Variants in RARB observed in about 807,000 individuals in gnomAD.
RARB encodes retinoic acid receptor beta.
In RARB, 17 loss-of-function variants were observed where a neutral mutation model predicts 51.9. That is an observed-to-expected ratio of 0.33 (90% CI 0.22 to 0.49). RARB has a LOEUF of 0.49. Ranked by LOEUF, RARB falls within the 20% of genes least tolerant of loss-of-function variation. The probability of loss-of-function intolerance (pLI) is 0.99; values close to 1 mark genes in which losing one functional copy is unlikely to be tolerated. For missense variants in RARB, 369 were observed against 550.8 expected (o/e 0.67, Z 3.30); for synonymous variants, 215 against 195.4 (o/e 1.10, Z -0.84).
At chr3:25,412,951 G>A (rs1041791460) in intron 5 of RARB, among the ~76,000 whole-genome samples, 10 of 151,928 alleles carry the variant, frequency 6.6e-5, no homozygotes, top group African/African-American at 2.2e-4. Context: ...CCCGGGAGGC[G>A]GAGGTTGTGG....
intron 1 of RARB, among the ~76,000 whole-genome samples, chr3:24,831,427 A>G (rs1252989919): frequency 6.6e-6 from 1 of 152,226 alleles, no homozygotes; most frequent in East Asian, 1.9e-4. Flanking sequence ...CTGAGACGCC[A>G]TCAGGGAGTA....
intron 5 of RARB, among the ~76,000 whole-genome samples, chr3:25,369,636 T>G (rs1328248313): frequency 6.6e-6 from 1 of 152,186 alleles, no homozygotes; most frequent in Non-Finnish European, 1.5e-5. Context: ...GATGTTCACT[T>G]TCATGGCCAG....
intron 4 of RARB, among the ~76,000 whole-genome samples, chr3:25,172,038 T>C (rs1051185755): frequency 6.6e-6 from 1 of 152,170 alleles, no homozygotes. Flanking sequence ...GGGTGGGATT[T>C]TTAGAATTAG....
At chr3:24,882,030 A>G (rs1703177102) in intron 2 of RARB, among the ~76,000 whole-genome samples, 1 of 152,214 alleles carries the variant, frequency 6.6e-6, no homozygotes, top group Non-Finnish European at 1.5e-5. Context: ...TAACAATGAA[A>G]AATTGAATAT....
intron 1 of RARB, among the ~76,000 whole-genome samples, chr3:25,446,664 G>A (rs568882880): frequency 4.6e-5 from 7 of 151,854 alleles, no homozygotes; most frequent in South Asian, 2.1e-4. Context: ...TTAGCCGGGC[G>A]TGGTGGCAGG....
chr3:24,934,454 A>G (rs906122554), intron 2 of RARB, among the ~76,000 whole-genome samples: 2 of 152,110 alleles, frequency 1.3e-5, no homozygotes, highest in African/African-American at 4.8e-5. Context: ...ACATTTGCTG[A>G]GGGATCATAC....
intron 1 of RARB, among the ~76,000 whole-genome samples, chr3:25,460,456 A>G (rs1230892294): frequency 7.4e-6 from 1 of 135,048 alleles, no homozygotes; most frequent in African/African-American, 3.0e-5. Flanking sequence ...TTATTTATTT[A>G]TTTATTTTTG....
rs55731301 is a variant in RARB, at chr3:25,557,137, TCACA to T, written c.449-12588_449-12585del. Among the ~76,000 whole-genome samples, 1,112 of 145,424 alleles carry T rather than the reference TCACA, an allele frequency of 7.6e-3. 14 individuals carry two copies. The highest frequency in any genetic ancestry group is 0.024 in the African/African-American group (926 of 38,642). ...GTTTTGCTTCCACATGGCATTGCAT[TCACA>T]CACACACACACACACACACACACAC... is the stretch of plus-strand genomic sequence containing the variant. On this transcript the variant is annotated intron_variant, in intron 3 of 7. Coordinates refer to ENST00000330688, the MANE Select transcript of RARB (RefSeq NM_000965.5).
intron 2 of RARB, among the ~76,000 whole-genome samples, chr3:25,496,172 C>G (rs1194377876): frequency 6.6e-6 from 1 of 152,234 alleles, no homozygotes; most frequent in Non-Finnish European, 1.5e-5. Context: ...TTACAATTGA[C>G]TAACAGTTGT....
At chr3:25,494,067 C>A (rs1033592448) in intron 2 of RARB, among the ~76,000 whole-genome samples, 3 of 152,134 alleles carry the variant, frequency 2.0e-5, no homozygotes, top group Admixed American at 6.5e-5. Flanking sequence ...AGCTCAATAT[C>A]TACTTCAGAT....
At chr3:25,076,146 ATTT>A (rs34420684) in intron 3 of RARB, among the ~76,000 whole-genome samples, 3 of 146,236 alleles carry the variant, frequency 2.1e-5, no homozygotes, top group Non-Finnish European at 3.0e-5. Context: ...GCAGTTATTT[ATTT>A]TTTTTTTTTT....
At chr3:25,016,828 A>C (rs1289759807) in intron 2 of RARB, among the ~76,000 whole-genome samples, 1 of 152,050 alleles carries the variant, frequency 6.6e-6, no homozygotes, top group Non-Finnish European at 1.5e-5. Flanking sequence ...ACTCTTCTTG[A>C]TAACACTTAC....
chr3:25,104,086 T>C (rs950895176), intron 3 of RARB, among the ~76,000 whole-genome samples: 1 of 152,196 alleles, frequency 6.6e-6, no homozygotes, highest in African/African-American at 2.4e-5. Flanking sequence ...GTCTGTAAAA[T>C]ATATATTTAT....
At chr3:25,299,737 C>G (rs946787363) in intron 5 of RARB, among the ~76,000 whole-genome samples, 1 of 151,788 alleles carries the variant, frequency 6.6e-6, no homozygotes, top group Non-Finnish European at 1.5e-5. Context: ...CAGCAGCCTA[C>G]TAAAAGGTCT....
At chr3:25,553,035 A>C (rs1699911423) in intron 3 of RARB, among the ~76,000 whole-genome samples, 1 of 152,232 alleles carries the variant, frequency 6.6e-6, no homozygotes, top group African/African-American at 2.4e-5. Context: ...TATCCTACGA[A>C]GGAAGACGGG....
rs147185631 is a variant in RARB at position 25,568,382 on chromosome 3, C to T, written c.449-1376C>T. On this transcript the variant is annotated intron_variant, in intron 3 of 7. Transcript: ENST00000330688. ...CTGATAAAAGGATCAAGTGAGATAC[C>T]GTGATACCATGTTCAAGGGACTCAA... 5.2e-3 allele frequency among the ~76,000 whole-genome samples: 793 copies of T among 152,200 alleles called. 8 individuals are homozygous for T. The highest frequency in any genetic ancestry group is 0.018 in the African/African-American group (744 of 41,526).
At chr3:24,874,401 G>A (rs1295432957) in intron 2 of RARB, among the ~76,000 whole-genome samples, 1 of 151,954 alleles carries the variant, frequency 6.6e-6, no homozygotes, top group Non-Finnish European at 1.5e-5. Context: ...ACTAAGATTT[G>A]TTAGAATCTT....
At chr3:25,156,239 G>A (rs1391522912) in intron 4 of RARB, among the ~76,000 whole-genome samples, 6 of 152,104 alleles carry the variant, frequency 3.9e-5, no homozygotes, top group Admixed American at 2.6e-4. Context: ...TGTGTTGATG[G>A]ACACTGGGGA....
At chr3:25,382,642 G>C (rs573735567) in intron 5 of RARB, among the ~76,000 whole-genome samples, 191 of 152,306 alleles carry the variant, frequency 1.3e-3, no homozygotes, top group African/African-American at 4.5e-3. Flanking sequence ...GATCACCTGA[G>C]GTCAGGAGTT....
Sources: allele counts gnomAD v4.1 joint callset (sites outside exome capture counted in the v4.1 genomes callset), GRCh38; gene constraint gnomAD v4.1.1; transcripts MANE v1.5; gene names NCBI Gene and HGNC (gene_info 2026-07-23, HGNC 2026-07-21).